PCDH7: variants seen among roughly 807,000 people sequenced by gnomAD.
PCDH7 encodes the protein protocadherin 7.
PCDH7 carries 17 observed loss-of-function variants against 58.9 expected under a neutral mutation model. The ratio of observed to expected loss-of-function variants is 0.29; its 90% CI spans 0.20 to 0.43. PCDH7 has a LOEUF of 0.43. Ranked by LOEUF, PCDH7 falls within the 20% of genes least tolerant of loss-of-function variation. The probability of loss-of-function intolerance (pLI) is 1.00; values close to 1 mark genes in which losing one functional copy is unlikely to be tolerated. For synonymous variants in PCDH7, 664 were observed against 616.4 expected, an observed-to-expected ratio of 1.08 and a Z score of -1.14; for missense variants, 1,274 against 1,441.0, an observed-to-expected ratio of 0.88 and a Z score of 1.88.
chr4:31,067,173 A>G lies in PCDH7; in HGVS notation c.*8-75300A>G, dbSNP rs537648479. Among the ~76,000 whole-genome samples, 66 of 152,046 alleles carry G rather than the reference A, an allele frequency of 4.3e-4. No homozygotes were observed. The Middle Eastern group carries it at 0.014, about 31-fold the overall frequency. ...GCTGTGAAGCGTGTTAAAAATACAG[A>G]TACCTTAGGTCCATCTAAGTTTGGA... On this transcript the variant is annotated intron_variant, in intron 3 of 3. Coordinates refer to the PCDH7 transcript ENST00000509759.
At chr4:31,027,684 G>A (rs1321067407) in intron 3 of PCDH7, among the ~76,000 whole-genome samples, 1 of 152,098 alleles carries the variant, frequency 6.6e-6, no homozygotes, top group Non-Finnish European at 1.5e-5. Flanking sequence ...GCCTCCTAAA[G>A]TGCTGGGATT....
exon 1 of PCDH7, chr4:30,724,460 C>A: frequency 6.2e-7 from 1 of 1,614,030 alleles, no homozygotes. Context: ...CAGTCACCAA[C>A]TGCAGGAAAA....
intron 3 of PCDH7, among the ~76,000 whole-genome samples, chr4:31,025,974 T>A (rs2109177222): frequency 6.6e-6 from 1 of 152,334 alleles, no homozygotes; most frequent in African/African-American, 2.4e-5. Context: ...CAACCACTTG[T>A]GGGTATACAT....
rs114145627 is a variant in PCDH7 at position 31,033,395 on chromosome 4, T to C, written c.*7+83180T>C. On this transcript the variant is annotated intron_variant, in intron 3 of 3. Transcript: ENST00000509759. ...GAATCTTTATTCAGATAACAGAAGATAGCATTTCAATGCATTGTATTAATA... is the reference window on the plus strand; with the variant it reads ...GAATCTTTATTCAGATAACAGAAGACAGCATTTCAATGCATTGTATTAATA... Among the ~76,000 whole-genome samples, 519 of 152,330 alleles carry C rather than the reference T, an allele frequency of 3.4e-3. 6 individuals are homozygous for C. Among genetic ancestry groups the C allele is most frequent in the African/African-American group, 0.012 (499 of 41,580 alleles).
At chr4:30,766,744 A>G (rs953098295) in intron 1 of PCDH7, among the ~76,000 whole-genome samples, 3 of 152,038 alleles carry the variant, frequency 2.0e-5, no homozygotes, top group Admixed American at 2.0e-4. Context: ...TATTTTCTAT[A>G]CTTTAGACAT....
chr4:31,004,660 T>C (rs1752625759), intron 3 of PCDH7, among the ~76,000 whole-genome samples: 1 of 152,158 alleles, frequency 6.6e-6, no homozygotes, highest in African/African-American at 2.4e-5. Context: ...CACTCCAGCC[T>C]GGGCAACAGA....
intron 3 of PCDH7, among the ~76,000 whole-genome samples, chr4:31,091,041 T>C (rs1279926565): frequency 6.6e-6 from 1 of 152,076 alleles, no homozygotes; most frequent in African/African-American, 2.4e-5. Context: ...TGATTAGTCA[T>C]TTTCAACATT....
intron 1 of PCDH7, among the ~76,000 whole-genome samples, chr4:30,770,098 C>T (rs1473488364): frequency 1.3e-5 from 2 of 152,128 alleles, no homozygotes; most frequent in Non-Finnish European, 2.9e-5. Flanking sequence ...TGGTGGGTAT[C>T]CTGAGTTCAA....
intron 1 of PCDH7, among the ~76,000 whole-genome samples, chr4:30,764,382 G>C (rs576157961): frequency 3.5e-4 from 54 of 152,238 alleles, no homozygotes; most frequent in African/African-American, 1.3e-3. Flanking sequence ...ATTTCCATTA[G>C]CATCAACGAG....
chr4:31,062,025 G>A (rs951370274), intron 3 of PCDH7, among the ~76,000 whole-genome samples: 3 of 151,738 alleles, frequency 2.0e-5, no homozygotes, highest in Admixed American at 6.6e-5. Flanking sequence ...CATACACAAG[G>A]GAGAGTAACA....
chr4:30,756,256 A>G (rs1719290488), intron 1 of PCDH7, among the ~76,000 whole-genome samples: 2 of 152,036 alleles, frequency 1.3e-5, no homozygotes, highest in Non-Finnish European at 1.5e-5. Context: ...TACCTCAAGA[A>G]TGGCACCCCG....
chr4:30,857,249 C>T (rs1733587604), intron 1 of PCDH7, among the ~76,000 whole-genome samples: 1 of 151,996 alleles, frequency 6.6e-6, no homozygotes, highest in African/African-American at 2.4e-5. Context: ...TCTCTGTCTG[C>T]GTCACATCAG....
chr4:30,753,607 C>T (rs1469327741), intron 1 of PCDH7, among the ~76,000 whole-genome samples: 1 of 152,156 alleles, frequency 6.6e-6, no homozygotes, highest in Non-Finnish European at 1.5e-5. Context: ...TAGATTTGGG[C>T]TAAGCTTCCA....
chr4:30,724,612 A>G lies in PCDH7; in HGVS notation c.3174+16A>G. 3 of 1,609,216 alleles carry G rather than the reference A, an allele frequency of 1.9e-6. No homozygotes were observed. Among genetic ancestry groups the G allele is most frequent in the South Asian group, 1.1e-5 (1 of 90,654 alleles). On this transcript the variant is annotated intron_variant, in intron 1 of 1. Coordinates refer to ENST00000361762, the Ensembl canonical transcript of PCDH7. ...CAGCAAACAGGTAAGATGTATCCCA[A>G]ATATATTTAAATATCCCAGGGAGGG...
At chr4:30,945,853 A>C (rs1746607025) in intron 2 of PCDH7, among the ~76,000 whole-genome samples, 1 of 152,046 alleles carries the variant, frequency 6.6e-6, no homozygotes, top group African/African-American at 2.4e-5. Flanking sequence ...GCTGATCTTA[A>C]TTCCATCGGG....
chr4:30,936,963 A>G (rs1745414640), intron 2 of PCDH7, among the ~76,000 whole-genome samples: 1 of 100,928 alleles, frequency 9.9e-6, no homozygotes, highest in South Asian at 3.6e-4. Context: ...CATTCAGAAC[A>G]CACACACACA....
At chr4:31,106,338 A>G (rs899370540) in intron 3 of PCDH7, among the ~76,000 whole-genome samples, 3 of 152,156 alleles carry the variant, frequency 2.0e-5, no homozygotes, top group African/African-American at 7.2e-5. Context: ...TTTCCTGACA[A>G]TACAAAATTT....
chr4:31,072,990 G>A (rs764217039), intron 3 of PCDH7, among the ~76,000 whole-genome samples: 1 of 152,124 alleles, frequency 6.6e-6, no homozygotes, highest in Non-Finnish European at 1.5e-5. Context: ...TAAAACACAT[G>A]TCCCAGCTAA....
At chr4:30,943,296 A>G (rs527731276) in intron 2 of PCDH7, among the ~76,000 whole-genome samples, 13 of 152,200 alleles carry the variant, frequency 8.5e-5, no homozygotes, top group African/African-American at 3.1e-4. Context: ...TATGCAACAA[A>G]ATCAATATAT....
Sources: gnomAD v4.1 joint callset for allele counts (sites outside exome capture counted in the v4.1 genomes callset) on GRCh38, gnomAD v4.1.1 for gene constraint, MANE v1.5 for transcripts, NCBI Gene and HGNC (gene_info 2026-07-23, HGNC 2026-07-21) for gene names.